The following CNTNAP2 variants were observed in gnomAD, a reference collection of about 807,000 sequenced individuals.
CNTNAP2 encodes the protein contactin-associated protein-like 2.
A neutral mutation model predicts 155.2 loss-of-function variants in CNTNAP2; 98 were observed. The observed-to-expected ratio is 0.63, with a 90% CI of 0.54 to 0.75. The LOEUF is 0.75. CNTNAP2 is among the 30% of genes least tolerant of loss of function. The pLI is 0.00. For synonymous variants in CNTNAP2, 651 were observed against 631.2 expected, an observed-to-expected ratio of 1.03 and a Z score of -0.47; for missense variants, 1,727 against 1,688.1, an observed-to-expected ratio of 1.02 and a Z score of -0.40.
chr7:148,085,580 C>T (rs943230817), intron 15 of CNTNAP2, among the ~76,000 whole-genome samples: 17 of 152,166 alleles, frequency 1.1e-4, no homozygotes, highest in East Asian at 9.6e-4. Flanking sequence ...TAGTTAGTAC[C>T]GTGATTTCTG....
chr7:146,581,419 C>A (rs1798609037), intron 1 of CNTNAP2, among the ~76,000 whole-genome samples: 1 of 151,970 alleles, frequency 6.6e-6, no homozygotes, highest in Non-Finnish European at 1.5e-5. Flanking sequence ...ATTATAATAG[C>A]AGTAGCTGAG....
chr7:147,927,862 G>A (rs1800424728), intron 14 of CNTNAP2, among the ~76,000 whole-genome samples: 1 of 152,166 alleles, frequency 6.6e-6, no homozygotes, highest in Admixed American at 6.5e-5. Flanking sequence ...GATCTCCTAA[G>A]TTAGAGTCCC....
rs370386461 is a variant in CNTNAP2 at position 148,349,647 on chromosome 7, C to T, written c.3476-34002C>T. On this transcript the variant is annotated intron_variant, in intron 21 of 23. Transcript: ENST00000361727. Reference sequence around the variant, plus strand: ...CGATCTCCTGACCTCGTGATCCGCCCGTCTCAGCCTCCCAAAGTGCTGGGA... The same window carrying T: ...CGATCTCCTGACCTCGTGATCCGCCTGTCTCAGCCTCCCAAAGTGCTGGGA... Among the ~76,000 whole-genome samples the T allele has an allele frequency of 2.2e-4, 33 of 152,184 alleles. No individual in the cohort carries two copies. In the East Asian group the frequency reaches 6.0e-3, roughly 28 times the overall value.
At chr7:146,717,165 A>G (rs769485056) in intron 1 of CNTNAP2, among the ~76,000 whole-genome samples, 2 of 152,072 alleles carry the variant, frequency 1.3e-5, no homozygotes, top group Non-Finnish European at 2.9e-5. Flanking sequence ...TCCACTTTAA[A>G]TTGCCATGGA....
chr7:147,259,511 A>C (rs1396918686), intron 8 of CNTNAP2, among the ~76,000 whole-genome samples: 1 of 152,210 alleles, frequency 6.6e-6, no homozygotes, highest in African/African-American at 2.4e-5. Context: ...TTAAATAAAC[A>C]ATATTTTTAA....
At chr7:146,912,540 A>G (rs376330143) in intron 3 of CNTNAP2, among the ~76,000 whole-genome samples, 4 of 152,174 alleles carry the variant, frequency 2.6e-5, no homozygotes, top group Non-Finnish European at 5.9e-5. Flanking sequence ...GGTACTATAC[A>G]TCAATTTATA....
chr7:146,386,622 G>A (rs781292627), intron 1 of CNTNAP2, among the ~76,000 whole-genome samples: 6 of 152,288 alleles, frequency 3.9e-5, no homozygotes, highest in Admixed American at 2.0e-4. Flanking sequence ...CTGATCTCAC[G>A]TTATCCACCC....
At chr7:146,152,399 A>G (rs766493654) in intron 1 of CNTNAP2, among the ~76,000 whole-genome samples, 1 of 152,106 alleles carries the variant, frequency 6.6e-6, no homozygotes, top group Non-Finnish European at 1.5e-5. Context: ...GATACTGATC[A>G]AAGGATACAA....
At chr7:148,154,871 A>T (rs1349042944) in intron 17 of CNTNAP2, among the ~76,000 whole-genome samples, 3 of 151,982 alleles carry the variant, frequency 2.0e-5, no homozygotes, top group Admixed American at 6.6e-5. Context: ...CAGTGGGCAG[A>T]GGTCACAGTG....
intron 1 of CNTNAP2, among the ~76,000 whole-genome samples, chr7:146,372,521 T>C (rs1346929411): frequency 6.6e-6 from 1 of 152,198 alleles, no homozygotes; most frequent in East Asian, 1.9e-4. Flanking sequence ...TATTGAAAAG[T>C]TCACCACATG....
chr7:146,229,325 C>A (rs1234361040), intron 1 of CNTNAP2, among the ~76,000 whole-genome samples: 2 of 152,094 alleles, frequency 1.3e-5, no homozygotes, highest in Non-Finnish European at 2.9e-5. Flanking sequence ...GAAACTTTTT[C>A]TTTAAACAAA....
chr7:147,623,330 A>C (rs1794905662), intron 12 of CNTNAP2, among the ~76,000 whole-genome samples: 2 of 152,124 alleles, frequency 1.3e-5, no homozygotes, highest in African/African-American at 4.8e-5. Flanking sequence ...TTGTTTGCAG[A>C]TGATATGATC....
chr7:146,234,652 A>T (rs1283386111), intron 1 of CNTNAP2, among the ~76,000 whole-genome samples: 1 of 151,936 alleles, frequency 6.6e-6, no homozygotes, highest in Non-Finnish European at 1.5e-5. Flanking sequence ...AGGTGTAAGG[A>T]AGGGATCCAG....
intron 3 of CNTNAP2, among the ~76,000 whole-genome samples, chr7:146,840,107 A>T (rs1283140166): frequency 1.3e-5 from 2 of 152,206 alleles, no homozygotes; most frequent in Non-Finnish European, 2.9e-5. Flanking sequence ...CTAGATCTGG[A>T]CTATGAATTT....
At chr7:147,414,556 G>T (rs1287413022) in intron 10 of CNTNAP2, among the ~76,000 whole-genome samples, 5 of 151,470 alleles carry the variant, frequency 3.3e-5, no homozygotes, top group Admixed American at 1.3e-4. Context: ...TTCTTAATTT[G>T]GCTCTTTCAT....
intron 15 of CNTNAP2, among the ~76,000 whole-genome samples, chr7:148,088,575 TA>T (rs1389810042): frequency 6.6e-6 from 1 of 151,872 alleles, no homozygotes; most frequent in Non-Finnish European, 1.5e-5. Flanking sequence ...AAAAAAAGAA[TA>T]AATTCTTAGT....
chr7:146,823,269 A>G (rs1372788598), intron 2 of CNTNAP2, among the ~76,000 whole-genome samples: 1 of 149,988 alleles, frequency 6.7e-6, no homozygotes, highest in Admixed American at 6.7e-5. Context: ...ATTCTTCAGT[A>G]TAATTACATG....
intron 4 of CNTNAP2, among the ~76,000 whole-genome samples, chr7:147,075,731 A>G (rs1250189794): frequency 1.3e-5 from 2 of 151,982 alleles, no homozygotes; most frequent in Non-Finnish European, 2.9e-5. Flanking sequence ...TGCTACACCC[A>G]TTAACTGGTC....
intron 3 of CNTNAP2, among the ~76,000 whole-genome samples, chr7:146,975,920 G>A (rs1797900949): frequency 6.6e-6 from 1 of 152,152 alleles, no homozygotes; most frequent in Non-Finnish European, 1.5e-5. Flanking sequence ...GGAGACAGAT[G>A]ATCCTGTAAG....
Sources: gnomAD v4.1 joint callset for allele counts (sites outside exome capture counted in the v4.1 genomes callset) on GRCh38, gnomAD v4.1.1 for gene constraint, MANE v1.5 for transcripts, NCBI Gene and HGNC (gene_info 2026-07-23, HGNC 2026-07-21) for gene names.